Variants in DACH1 observed in about 807,000 individuals in gnomAD.
DACH1 encodes dachshund homolog 1.
DACH1 carries 12 observed loss-of-function variants against 54.2 expected under a neutral mutation model. The observed-to-expected ratio is 0.22, with a 90% CI of 0.14 to 0.36. The LOEUF (loss-of-function observed/expected upper bound fraction) is 0.36. DACH1 is among the 10% of genes least tolerant of loss of function. The pLI is 1.00. For synonymous variants in DACH1, 386 were observed against 366.2 expected (o/e 1.05, Z -0.62); for missense variants, 805 against 929.8 (o/e 0.87, Z 1.75).
At chr13:71,699,152 A>T (rs1313159412) in intron 1 of DACH1, among the ~76,000 whole-genome samples, 3 of 152,196 alleles carry the variant, frequency 2.0e-5, no homozygotes, top group African/African-American at 7.2e-5. Context: ...CACAAACTAA[A>T]ATACTTTAGG....
chr13:71,710,455 TGTGTGTG>T (rs1882666729), intron 1 of DACH1, among the ~76,000 whole-genome samples: 3 of 2,906 alleles, frequency 1.0e-3, no homozygotes, highest in African/African-American at 1.5e-3. Context: ...GAGGGTTTTG[TGTGTGTG>T]TGTGTGTGTG....
chr13:71,738,697 A>C (rs935534901), intron 1 of DACH1, among the ~76,000 whole-genome samples: 1 of 123,194 alleles, frequency 8.1e-6, no homozygotes, highest in Non-Finnish European at 1.6e-5. Context: ...GTGCCATTGC[A>C]CTCCAGTCTG....
intron 1 of DACH1, among the ~76,000 whole-genome samples, chr13:71,729,336 A>T (rs991537881): frequency 6.6e-6 from 1 of 152,062 alleles, no homozygotes; most frequent in Non-Finnish European, 1.5e-5. Flanking sequence ...ATATGAGAGA[A>T]CATTCTGATA....
At position 71,805,052 on chromosome 13, in the gene DACH1, A is replaced by G. The variant is rs141512969; in HGVS notation, c.848+60870T>C. On this transcript the variant is annotated intron_variant, in intron 1 of 10. Transcript: ENST00000613252. ...AGTAAATTTTAAAATTTAGCTCTTC[A>G]ATTATACTTGCCACATTTCAAGTGC... Among the ~76,000 whole-genome samples, 214 of 152,292 alleles carry G rather than the reference A, an allele frequency of 1.4e-3. 1 individual carries two copies. Among genetic ancestry groups the G allele is most frequent in the African/African-American group, 4.9e-3 (204 of 41,568 alleles).
rs1223516708 is a variant in DACH1, at chr13:71,866,424, CGCT to C, written c.343_345del (p.Ser115del). ...GCGCTGATGCCGCCGCCGCCGCCGC[CGCT>C]GCCGTTGCTCGCGGCCGCCAGGTTG... is the stretch of plus-strand genomic sequence containing the variant. On this transcript the variant is annotated inframe_deletion, in exon 1 of 11. Coordinates refer to ENST00000613252, the MANE Select transcript of DACH1 (RefSeq NM_080759.6). 1.5e-5 allele frequency: 21 copies of C among 1,400,884 alleles called. No homozygotes were observed. The highest frequency in any genetic ancestry group is 1.9e-5 in the Non-Finnish European group (20 of 1,067,570). The allele number at this position is 1,400,884 out of a possible 1,614,324, so 86.8% of individuals were successfully genotyped here. A position where few individuals can be genotyped will look rare whatever the true frequency, so the allele number is the denominator to read the frequency against.
chr13:71,475,090 G>GA lies in DACH1; in HGVS notation c.2083+50dup, dbSNP rs770342244. The GA allele has an allele frequency of 1.9e-6, 3 of 1,548,130 alleles. No homozygotes were observed. In the East Asian group the frequency reaches 6.7e-5, roughly 35 times the overall value. ...GCTTGAATAGCAGGCTAAAGCTGAGGAAAAACTCATATAGCAAGATCTAGA... is the reference window on the plus strand; with the variant it reads ...GCTTGAATAGCAGGCTAAAGCTGAGGAAAAAACTCATATAGCAAGATCTAGA... On this transcript the variant is annotated intron_variant, in intron 10 of 10. Coordinates refer to ENST00000613252, the MANE Select transcript of DACH1 (RefSeq NM_080759.6).
chr13:71,846,195 TG>T, intron 1 of DACH1: 2 of 228,838 alleles, frequency 8.7e-6, no homozygotes, highest in Non-Finnish European at 9.3e-6. Flanking sequence ...CAGAGTTATC[TG>T]GGGAAGGTTC....
rs200883579 is a variant in DACH1 at position 71,735,531 on chromosome 13, C to T, written c.849-53621G>A. ...GATATACGTGTATATGGGATATACACGTATATGGGATATACGTGTATATGG... is the reference window on the plus strand; with the variant it reads ...GATATACGTGTATATGGGATATACATGTATATGGGATATACGTGTATATGG... On this transcript the variant is annotated intron_variant, in intron 1 of 10. Transcript: ENST00000613252. Among the ~76,000 whole-genome samples, 63 of 47,794 alleles carry T rather than the reference C, an allele frequency of 1.3e-3. 4 individuals are homozygous for T. The highest frequency in any genetic ancestry group is 3.5e-3 in the African/African-American group (56 of 15,872). The allele number at this position is 47,794 out of a possible 152,430, so 31.4% of individuals were successfully genotyped here.
chr13:71,805,884 T>G (rs898430040), intron 1 of DACH1, among the ~76,000 whole-genome samples: 9 of 152,260 alleles, frequency 5.9e-5, no homozygotes, highest in South Asian at 2.1e-4. Context: ...CTCATCTCAC[T>G]GCAACTTCTA....
chr13:71,488,925 T>C (rs1878759437), intron 7 of DACH1, 72 bp downstream of exon 7: 1 of 1,459,712 alleles, frequency 6.9e-7, no homozygotes, highest in South Asian at 1.3e-5. Flanking sequence ...AGGAACAGTA[T>C]AAATTTTGGA....
chr13:71,479,120 G>A, intron 8 of DACH1, 49 bp downstream of exon 8: 1 of 1,506,730 alleles, frequency 6.6e-7, no homozygotes, highest in Non-Finnish European at 9.0e-7. Context: ...GTATTAATAT[G>A]TTTAATATTT....
intron 10 of DACH1, among the ~76,000 whole-genome samples, chr13:71,460,412 T>C (rs1404676893): frequency 6.6e-6 from 1 of 152,096 alleles, no homozygotes; most frequent in African/African-American, 2.4e-5. Flanking sequence ...TGAGGAAATG[T>C]AGAAACTAAG....
At chr13:71,594,155 T>C (rs1250843974) in intron 3 of DACH1, among the ~76,000 whole-genome samples, 3 of 151,478 alleles carry the variant, frequency 2.0e-5, no homozygotes, top group Admixed American at 1.3e-4. Context: ...TACTTGAATA[T>C]GGACATCTCT....
chr13:71,821,859 G>A (rs943034001), intron 1 of DACH1, among the ~76,000 whole-genome samples: 4 of 151,846 alleles, frequency 2.6e-5, no homozygotes, highest in East Asian at 1.9e-4. Flanking sequence ...TCAAAAGATC[G>A]AGACCATCCT....
chr13:71,477,120 T>A (rs1315200465), intron 8 of DACH1, among the ~76,000 whole-genome samples: 3 of 116,392 alleles, frequency 2.6e-5, no homozygotes, highest in African/African-American at 9.7e-5. Flanking sequence ...TTTTTTTTTT[T>A]TTTTTTTTTT....
At chr13:71,742,017 G>A (rs1409172865) in intron 1 of DACH1, among the ~76,000 whole-genome samples, 1 of 152,138 alleles carries the variant, frequency 6.6e-6, no homozygotes, top group Non-Finnish European at 1.5e-5. Context: ...GATGCAGGGG[G>A]AGGTAATTGA....
intron 1 of DACH1, among the ~76,000 whole-genome samples, chr13:71,842,529 G>A (rs1227932150): frequency 6.6e-6 from 1 of 152,148 alleles, no homozygotes; most frequent in Non-Finnish European, 1.5e-5. Flanking sequence ...AATGAACTGT[G>A]ATCAGACCAC....
intron 6 of DACH1, among the ~76,000 whole-genome samples, chr13:71,554,996 C>T (rs1884146018): frequency 6.6e-6 from 1 of 152,070 alleles, no homozygotes; most frequent in South Asian, 2.1e-4. Flanking sequence ...CTGGTCATTC[C>T]TTTTGTATTT....
At chr13:71,637,157 G>T (rs936565495) in intron 2 of DACH1, among the ~76,000 whole-genome samples, 3 of 152,078 alleles carry the variant, frequency 2.0e-5, no homozygotes, top group Non-Finnish European at 4.4e-5. Flanking sequence ...TGGACAAGAT[G>T]CATCTAACTT....
Sources: allele counts gnomAD v4.1 joint callset (sites outside exome capture counted in the v4.1 genomes callset), GRCh38; gene constraint gnomAD v4.1.1; transcripts MANE v1.5; gene names NCBI Gene and HGNC (gene_info 2026-07-23, HGNC 2026-07-21).